GNAS: variants seen among roughly 807,000 people sequenced by gnomAD.
The protein encoded by GNAS is GNAS complex locus.
A neutral mutation model predicts 54.5 loss-of-function variants in GNAS; 8 were observed. The ratio of observed to expected loss-of-function variants is 0.15; its 90% CI spans 0.09 to 0.26. The LOEUF (loss-of-function observed/expected upper bound fraction) is 0.26. GNAS is among the 10% of genes least tolerant of loss of function. The pLI is 1.00. For missense variants in GNAS, 170 were observed against 529.8 expected, an observed-to-expected ratio of 0.32 and a Z score of 6.67; for synonymous variants, 204 against 191.4, an observed-to-expected ratio of 1.07 and a Z score of -0.54.
chr20:58,908,202 A>G (rs1405823460), intron 6 of GNAS, among the ~76,000 whole-genome samples: 3 of 152,124 alleles, frequency 2.0e-5, no homozygotes, highest in African/African-American at 7.2e-5. Flanking sequence ...AACAATTCCA[A>G]TCTCTACATG....
chr20:58,859,275 A>T (rs2086657887), intron 1 of GNAS, among the ~76,000 whole-genome samples: 1 of 152,206 alleles, frequency 6.6e-6, no homozygotes, highest in African/African-American at 2.4e-5. Flanking sequence ...ATTTCTGCTC[A>T]CTGCAACCTC....
At chr20:58,892,531 G>A (rs371695973) in intron 1 of GNAS, 1 of 143,506 alleles carries the variant, frequency 7.0e-6, no homozygotes, top group South Asian at 2.4e-4. Context: ...GTGGGGGGGA[G>A]GGGGCGCAAG....
At chr20:58,908,185 G>A in intron 6 of GNAS, among the ~76,000 whole-genome samples, 1 of 151,992 alleles carries the variant, frequency 6.6e-6, no homozygotes, top group East Asian at 1.9e-4. Context: ...TCGTTAGCCC[G>A]CTTTAAAACA....
chr20:58,892,073 GCCGTGGCGACGCGGGCGCGGGT>G (rs2089451879), intron 1 of GNAS: 1 of 949,502 alleles, frequency 1.1e-6, no homozygotes. Context: ...GGGGCGGGGG[GCCGTGGCGACGCGGGCGCGGGT>G]CCCCCTCCCC....
intron 1 of GNAS, among the ~76,000 whole-genome samples, chr20:58,880,464 G>C (rs1259999151): frequency 6.6e-6 from 1 of 152,112 alleles, no homozygotes; most frequent in East Asian, 1.9e-4. Context: ...GTCAAGAATT[G>C]ATGACTTAGA....
intron 2 of GNAS, 43 bp from the exon 3 acceptor site, chr20:58,898,898 G>A (rs377040812): frequency 9.0e-6 from 14 of 1,548,720 alleles, no homozygotes; most frequent in East Asian, 6.7e-5. Context: ...GTGACACTGC[G>A]GTGCCTTGCA....
At chr20:58,906,421 C>T (rs991100416) in intron 6 of GNAS, among the ~76,000 whole-genome samples, 1 of 152,250 alleles carries the variant, frequency 6.6e-6, no homozygotes, top group African/African-American at 2.4e-5. Context: ...TCCCAGAGGA[C>T]ATCGTACCCG....
chr20:58,902,577 C>A (rs925786581), intron 3 of GNAS, among the ~76,000 whole-genome samples: 1 of 152,064 alleles, frequency 6.6e-6, no homozygotes, highest in African/African-American at 2.4e-5. Context: ...CCAGAGGGAT[C>A]TGACCTCCCC....
In GNAS at chr20:58,857,238, A is replaced by G. The variant is rs2086559775; in HGVS notation, c.43+16352A>G. 1 of 152,236 alleles carries G rather than the reference A, an allele frequency of 6.6e-6. No individual in the cohort carries two copies. The highest frequency in any genetic ancestry group is 2.1e-4 in the South Asian group (1 of 4,832). The allele number at this position is 152,236 out of a possible 1,614,324, so 9.4% of individuals were successfully genotyped here. The stretch of plus-strand genomic sequence containing the variant: ...TGTGATGTGGCTCTCACAAATCACA[A>G]TTTTAAATGTGAGGATCATTTTGTG... On this transcript the variant is annotated intron_variant, in intron 1 of 12. Transcript: ENST00000306090. The surrounding 1 kb of genome is among the most constrained non-coding windows in gnomAD (Gnocchi z 4.1).
intron 1 of GNAS, among the ~76,000 whole-genome samples, chr20:58,868,783 G>C (rs1274821910): frequency 1.3e-5 from 2 of 152,088 alleles, no homozygotes; most frequent in African/African-American, 4.8e-5. Flanking sequence ...GGGACTTTCT[G>C]AGCAGGAACT....
At chr20:58,877,688 C>T (rs977768241) in intron 1 of GNAS, among the ~76,000 whole-genome samples, 1 of 152,152 alleles carries the variant, frequency 6.6e-6, no homozygotes, top group Non-Finnish European at 1.5e-5. Flanking sequence ...GTTGGAGCAC[C>T]AGATGTTAAG....
intron 1 of GNAS, among the ~76,000 whole-genome samples, chr20:58,860,937 C>T (rs1414500846): frequency 6.6e-6 from 1 of 152,224 alleles, no homozygotes; most frequent in African/African-American, 2.4e-5. Context: ...GCTGGGATTA[C>T]AGGCATGAGC....
Position 58,841,425 on chromosome 20 carries a change from C to T in GNAS, c.43+539C>T, listed in dbSNP as rs2085722308. 1.0e-6 allele frequency: 1 copy of T among 993,208 alleles called. No homozygotes were observed. The highest frequency in any genetic ancestry group is 1.2e-6 in the Non-Finnish European group (1 of 834,820). The allele number at this position is 993,208 out of a possible 1,614,324, so 61.5% of individuals were successfully genotyped here. A position where few individuals can be genotyped will look rare whatever the true frequency, so the allele number is the denominator to read the frequency against. On this transcript the variant is annotated intron_variant, in intron 1 of 12. Coordinates refer to the GNAS transcript ENST00000306090. This position sits in a 1 kb window ranked among gnomAD's most constrained non-coding sequence, Gnocchi z 5.0. ...GGCGAGAACTCTAGAGACTGACCAC[C>T]CGGGAGGGAAGTCACGCGCGCGCGG... is the stretch of plus-strand genomic sequence containing the variant.
rs2146267615 is a variant in GNAS at position 58,909,299 on chromosome 20, T to C, written c.586-51T>C. The C allele has an allele frequency of 6.3e-7, 1 of 1,586,462 alleles. No individual in the cohort carries two copies. Among genetic ancestry groups the C allele is most frequent in the East Asian group, 2.2e-5 (1 of 44,726 alleles). ...ACCTTTGCTTTAGATTGGCAATTAT[T>C]ACTGTTTCGGTTGGCTTTGGTGAGA... On this transcript the variant is annotated intron_variant, in intron 7 of 12. Transcript: ENST00000371085. This position sits in a 1 kb window ranked among gnomAD's most constrained non-coding sequence, Gnocchi z 7.3.
At chr20:58,864,293 C>G (rs1227776578) in intron 1 of GNAS, among the ~76,000 whole-genome samples, 3 of 152,184 alleles carry the variant, frequency 2.0e-5, no homozygotes, top group Non-Finnish European at 4.4e-5. Flanking sequence ...CTGTGGGTTT[C>G]TCTTTTCAAA....
chr20:58,851,041 G>C (rs2086150372), intron 1 of GNAS: 1 of 397,944 alleles, frequency 2.5e-6, no homozygotes, highest in East Asian at 3.6e-5. Context: ...TTGGGACCCA[G>C]TTGGGCCATT....
At chr20:58,907,533 G>A (rs955064108) in intron 6 of GNAS, among the ~76,000 whole-genome samples, 1 of 152,110 alleles carries the variant, frequency 6.6e-6, no homozygotes, top group Non-Finnish European at 1.5e-5. Flanking sequence ...TTTGAATGCT[G>A]GGGGGGCAGG....
At chr20:58,890,472 C>T (rs1262493979), upstream of GNAS, among the ~76,000 whole-genome samples, 1 of 151,984 alleles carries the variant, frequency 6.6e-6, no homozygotes, top group Non-Finnish European at 1.5e-5. Flanking sequence ...GAGCGCCCAC[C>T]TGCCCCTCGT....
chr20:58,852,922 C>G (rs1181297642), intron 1 of GNAS: 1 of 777,882 alleles, frequency 1.3e-6, no homozygotes, highest in Non-Finnish European at 1.6e-6. Flanking sequence ...TCGGCACGCT[C>G]GTCAGATCCA....
Sources: allele counts gnomAD v4.1 joint callset (sites outside exome capture counted in the v4.1 genomes callset), GRCh38; gene constraint gnomAD v4.1.1; non-coding constraint Gnocchi (gnomAD v3.1); transcripts MANE v1.5; gene names NCBI Gene and HGNC (gene_info 2026-07-23, HGNC 2026-07-21).